The following EPHA5 variants were observed in gnomAD, a reference collection of about 807,000 sequenced individuals.
The protein encoded by EPHA5 is EPH receptor A5.
Under a neutral mutation model 105.0 loss-of-function variants are expected in EPHA5, and 60 were observed. The ratio of observed to expected loss-of-function variants is 0.57; its 90% CI spans 0.46 to 0.71. The LOEUF is 0.71. Among genes scored for constraint, EPHA5 ranks in the 30% least tolerant of loss-of-function variants. The pLI, the probability that EPHA5 is intolerant of heterozygous loss-of-function variation, is 0.00. For missense variants in EPHA5, 1,218 were observed against 1,274.7 expected (o/e 0.96, Z 0.68); for synonymous variants, 513 against 449.1 (o/e 1.14, Z -1.80).
At chr4:65,524,558 A>G (rs1195949691) in intron 3 of EPHA5, among the ~76,000 whole-genome samples, 1 of 151,824 alleles carries the variant, frequency 6.6e-6, no homozygotes, top group Non-Finnish European at 1.5e-5. Flanking sequence ...CTGTTTAGAA[A>G]CAGAAAAATA....
chr4:65,460,394 C>T (rs1310579556), intron 5 of EPHA5, among the ~76,000 whole-genome samples: 1 of 150,768 alleles, frequency 6.6e-6, no homozygotes. Context: ...TATTTAGTTT[C>T]CTTATGTCTC....
chr4:65,531,625 T>C (rs1735808269), intron 3 of EPHA5, among the ~76,000 whole-genome samples: 1 of 150,666 alleles, frequency 6.6e-6, no homozygotes, highest in African/African-American at 2.4e-5. Flanking sequence ...GAGGATATAC[T>C]GAGATGTCTT....
chr4:65,641,844 GA>G (rs558675799), intron 2 of EPHA5, among the ~76,000 whole-genome samples: 370 of 151,274 alleles, frequency 2.4e-3, no homozygotes, highest in African/African-American at 8.5e-3. Flanking sequence ...AATAATAATA[GA>G]AAAAAAAGAC....
intron 5 of EPHA5, 27 bp from the exon 6 acceptor site, chr4:65,420,592 G>A (rs750608055): frequency 6.2e-7 from 1 of 1,606,920 alleles, no homozygotes; most frequent in South Asian, 1.1e-5. Flanking sequence ...ATAAGGAGCA[G>A]TATGATTAAT....
intron 3 of EPHA5, 37 bp downstream of exon 3, chr4:65,601,604 G>A (rs1272312420): frequency 6.3e-7 from 1 of 1,585,744 alleles, no homozygotes; most frequent in Non-Finnish European, 8.6e-7. Context: ...TCCAACTGAA[G>A]CAGACAGCCC....
chr4:65,668,664 C>G (rs1169463174), intron 1 of EPHA5, among the ~76,000 whole-genome samples: 1 of 152,020 alleles, frequency 6.6e-6, no homozygotes, highest in African/African-American at 2.4e-5. Context: ...AGGTGTTGCT[C>G]CCGCGCCAGC....
intron 5 of EPHA5, among the ~76,000 whole-genome samples, chr4:65,433,960 C>G (rs1466646077): frequency 6.6e-6 from 1 of 152,086 alleles, no homozygotes; most frequent in African/African-American, 2.4e-5. Context: ...GAGGCTGATG[C>G]AAGAGAATCG....
intron 3 of EPHA5, among the ~76,000 whole-genome samples, chr4:65,551,682 AT>A (rs1389920827): frequency 2.6e-5 from 4 of 152,024 alleles, no homozygotes; most frequent in African/African-American, 9.7e-5. Flanking sequence ...TTATTGTAAC[AT>A]TTTTATTGCA....
At position 65,585,360 on chromosome 4, in the gene EPHA5, AC is replaced by A. The variant is rs1367402270; in HGVS notation, c.910+16280del. On this transcript the variant is annotated intron_variant, in intron 3 of 16. Transcript: ENST00000613740. ...AAAAAAGTAGTAAGAATTGGAGAAA[AC>A]AAAAAAAATCAGAAAACAACCAGGT... Among the ~76,000 whole-genome samples, 3 of 151,886 alleles carry A rather than the reference AC, an allele frequency of 2.0e-5. No individual in the cohort carries two copies. In the South Asian group the frequency reaches 6.2e-4, roughly 31 times the overall value.
chr4:65,354,666 T>C (rs1723130847), intron 11 of EPHA5, among the ~76,000 whole-genome samples: 1 of 151,756 alleles, frequency 6.6e-6, no homozygotes, highest in South Asian at 2.1e-4. Context: ...GGATAATTGA[T>C]TGACTCAGGT....
In EPHA5 at chr4:65,319,701, T is replaced by C. The variant is rs1472896459; in HGVS notation, c.*4413A>G. On this transcript the variant is annotated 3_prime_UTR_variant, in exon 17 of 17. Transcript: ENST00000613740. ...ACAGAAATCCTAATCCTTCTTTGAA[T>C]TAACTGTGAGACAGGAACTTGAGAT... 1 of 226,162 alleles carries C rather than the reference T, an allele frequency of 4.4e-6. No individual in the cohort carries two copies. The highest frequency in any genetic ancestry group is 6.3e-5 in the East Asian group (1 of 15,814). The allele number at this position is 226,162 out of a possible 1,614,324, so 14.0% of individuals were successfully genotyped here.
At chr4:65,662,251 T>A (rs1215257894) in intron 1 of EPHA5, among the ~76,000 whole-genome samples, 1 of 152,184 alleles carries the variant, frequency 6.6e-6, no homozygotes, top group Non-Finnish European at 1.5e-5. Context: ...AATCTTCCAA[T>A]ACTTAGCCTG....
intron 1 of EPHA5, among the ~76,000 whole-genome samples, chr4:65,652,015 T>G (rs528154677): frequency 6.6e-6 from 1 of 152,302 alleles, no homozygotes; most frequent in South Asian, 2.1e-4. Flanking sequence ...GGCTACCTTG[T>G]CAGGTATGCT....
At chr4:65,423,030 C>T (rs1268720776) in intron 5 of EPHA5, among the ~76,000 whole-genome samples, 11 of 152,092 alleles carry the variant, frequency 7.2e-5, no homozygotes, top group Admixed American at 2.0e-4. Context: ...AAACCACATT[C>T]ATTTAGTCAT....
chr4:65,437,796 C>G (rs928134068), intron 5 of EPHA5, among the ~76,000 whole-genome samples: 5 of 151,710 alleles, frequency 3.3e-5, no homozygotes, highest in Admixed American at 1.3e-4. Context: ...TTACCTAACT[C>G]ACAATGTCAT....
chr4:65,365,483 T>G (rs1362130022), intron 10 of EPHA5, among the ~76,000 whole-genome samples: 2 of 150,696 alleles, frequency 1.3e-5, no homozygotes, highest in African/African-American at 4.8e-5. Flanking sequence ...TAAAAAAGAA[T>G]GAAATTAAAA....
chr4:65,611,576 T>C (rs964287071), intron 2 of EPHA5, among the ~76,000 whole-genome samples: 1 of 151,976 alleles, frequency 6.6e-6, no homozygotes, highest in African/African-American at 2.4e-5. Flanking sequence ...TCTTGATCTC[T>C]TGATTATATA....
chr4:65,325,503 T>A (rs998592331), intron 16 of EPHA5, among the ~76,000 whole-genome samples: 1 of 151,260 alleles, frequency 6.6e-6, no homozygotes, highest in Non-Finnish European at 1.5e-5. Context: ...GATGGAAACA[T>A]ATTTGTTTTT....
intron 3 of EPHA5, among the ~76,000 whole-genome samples, chr4:65,531,910 T>C (rs747328632): frequency 6.6e-6 from 1 of 152,316 alleles, no homozygotes; most frequent in African/African-American, 2.4e-5. Flanking sequence ...TTCTAATGAA[T>C]ACATAAGCCT....
Sources: allele counts gnomAD v4.1 joint callset (sites outside exome capture counted in the v4.1 genomes callset), GRCh38; gene constraint gnomAD v4.1.1; transcripts MANE v1.5; gene names NCBI Gene and HGNC (gene_info 2026-07-23, HGNC 2026-07-21).